The following VIPR2 variants were observed in gnomAD, a reference collection of about 807,000 sequenced individuals.
VIPR2 encodes vasoactive intestinal peptide receptor 2, also known as vasoactive intestinal polypeptide receptor 2.
A neutral mutation model predicts 58.0 loss-of-function variants in VIPR2; 48 were observed. That is an observed-to-expected ratio of 0.83 (90% CI 0.66 to 1.05). VIPR2 has a LOEUF of 1.05. Among genes scored for constraint, VIPR2 ranks in the 50% least tolerant of loss-of-function variants. The probability of loss-of-function intolerance (pLI) is 0.00; values close to 1 mark genes in which losing one functional copy is unlikely to be tolerated. For missense variants in VIPR2, 534 were observed against 558.0 expected, an observed-to-expected ratio of 0.96 and a Z score of 0.43; for synonymous variants, 243 against 235.2, an observed-to-expected ratio of 1.03 and a Z score of -0.30.
chr7:159,125,934 GACCC>G (rs1796634605), intron 2 of VIPR2, among the ~76,000 whole-genome samples: 1 of 152,202 alleles, frequency 6.6e-6, no homozygotes, highest in Non-Finnish European at 1.5e-5. Flanking sequence ...GTCGTACAGA[GACCC>G]TCGGTGTTCT....
At chr7:159,107,583 G>C (rs1316020044) in intron 3 of VIPR2, among the ~76,000 whole-genome samples, 2 of 152,310 alleles carry the variant, frequency 1.3e-5, no homozygotes, top group African/African-American at 2.4e-5. Context: ...TGCATCCCGG[G>C]TCCCACTGCT....
intron 4 of VIPR2, among the ~76,000 whole-genome samples, chr7:159,060,780 A>G (rs1455350183): frequency 6.6e-6 from 1 of 151,946 alleles, no homozygotes; most frequent in Non-Finnish European, 1.5e-5. Flanking sequence ...CCCTCACCTC[A>G]CCTAACAGCC....
chr7:159,049,830 A>G (rs777267512), intron 5 of VIPR2, among the ~76,000 whole-genome samples: 8 of 152,204 alleles, frequency 5.3e-5, no homozygotes, highest in Non-Finnish European at 1.2e-4. Context: ...ACAACAAACC[A>G]GAGAGCACCT....
At chr7:159,045,562 T>C (rs964485353) in intron 5 of VIPR2, among the ~76,000 whole-genome samples, 1 of 152,220 alleles carries the variant, frequency 6.6e-6, no homozygotes, top group African/African-American at 2.4e-5. Flanking sequence ...CCTCACAGCA[T>C]ATTAAAAATT....
chr7:159,045,279 T>C (rs1299060818), intron 5 of VIPR2, among the ~76,000 whole-genome samples: 1 of 152,224 alleles, frequency 6.6e-6, no homozygotes, highest in Non-Finnish European at 1.5e-5. Flanking sequence ...GGAATTATGA[T>C]GGATCCTGAA....
intron 5 of VIPR2, among the ~76,000 whole-genome samples, chr7:159,044,590 CAAA>C (rs59565673): frequency 7.0e-6 from 1 of 142,240 alleles, no homozygotes. Context: ...TTAAAGAGTG[CAAA>C]AAAAAAAAAA....
At position 159,130,968 on chromosome 7, in the gene VIPR2, G is replaced by C. The variant is rs115534791; in HGVS notation, c.151+11478C>G. Among the ~76,000 whole-genome samples the C allele has an allele frequency of 4.1e-3, 618 of 152,314 alleles. 1 individual carries two copies. The highest frequency in any genetic ancestry group is 0.014 in the African/African-American group (592 of 41,566). ...CAAGCAGCTGCAGACATCTGAGCGT[G>C]CTCTGGACATGGCATCCAAGGCCCA... On this transcript the variant is annotated intron_variant, in intron 2 of 12. Transcript: ENST00000262178.
At chr7:159,061,259 C>A (rs937528072) in intron 4 of VIPR2, among the ~76,000 whole-genome samples, 6 of 150,616 alleles carry the variant, frequency 4.0e-5, no homozygotes, top group Non-Finnish European at 8.8e-5. Flanking sequence ...AGCTGGGTGG[C>A]GGGATCAGTC....
intron 2 of VIPR2, among the ~76,000 whole-genome samples, chr7:159,130,686 G>A (rs531603046): frequency 1.5e-4 from 23 of 152,242 alleles, no homozygotes; most frequent in African/African-American, 4.3e-4. Flanking sequence ...GTAACAACTC[G>A]GTCTCCCACA....
At chr7:159,104,627 C>A (rs567713582) in intron 3 of VIPR2, among the ~76,000 whole-genome samples, 38 of 144,294 alleles carry the variant, frequency 2.6e-4, no homozygotes, top group African/African-American at 9.6e-4. Flanking sequence ...GCAGCACTCT[C>A]CCTCCTCCCG....
rs1398982145 is a variant in VIPR2 at position 159,096,004 on chromosome 7, C to T, written c.357+7753G>A. 1.3e-5 allele frequency among the ~76,000 whole-genome samples: 2 copies of T among 152,178 alleles called. No homozygotes were observed. Among genetic ancestry groups the T allele is most frequent in the African/African-American group, 4.8e-5 (2 of 41,424 alleles). On this transcript the variant is annotated intron_variant, in intron 4 of 12. Transcript: ENST00000262178. This position sits in a 1 kb window ranked among gnomAD's most constrained non-coding sequence, Gnocchi z 5.5. ...CTCCCCGGGGGCTCCTGGCAACAAG[C>T]TGCAGGACGCACACCTTCTCAGAAC...
In VIPR2 at chr7:159,099,744, G is replaced by A. The variant is rs1453197147; in HGVS notation, c.357+4013C>T. Reference sequence around the variant, plus strand: ...TCAGAGGTGGTGCCTCCAACACACCGGGGATCCCACCTGGACCTTGAAATC... The same window carrying A: ...TCAGAGGTGGTGCCTCCAACACACCAGGGATCCCACCTGGACCTTGAAATC... On this transcript the variant is annotated intron_variant, in intron 4 of 12. Coordinates refer to ENST00000262178, the MANE Select transcript of VIPR2 (RefSeq NM_003382.5). This position sits in a 1 kb window ranked among gnomAD's most constrained non-coding sequence, Gnocchi z 4.2. 6.6e-6 allele frequency among the ~76,000 whole-genome samples: 1 copy of A among 152,014 alleles called. No homozygotes were observed.
chr7:159,144,741 T>TCAGCAGCGCGGGAGG lies in VIPR2; in HGVS notation c.16_30dup (p.Pro6_Leu10dup). The TCAGCAGCGCGGGAGG allele has an allele frequency of 7.7e-7, 1 of 1,307,020 alleles. No individual in the cohort carries two copies. Among genetic ancestry groups the TCAGCAGCGCGGGAGG allele is most frequent in the Non-Finnish European group, 9.7e-7 (1 of 1,030,030 alleles). The allele number at this position is 1,307,020 out of a possible 1,614,324, so 81.0% of individuals were successfully genotyped here. A position where few individuals can be genotyped will look rare whatever the true frequency, so the allele number is the denominator to read the frequency against. ...CTCACGGGGGCGAGCAGCCAGCAGG[T>TCAGCAGCGCGGGAGG]CAGCAGCGCGGGAGGCAGCAGCGTC... On this transcript the variant is annotated inframe_insertion, in exon 1 of 13. Transcript: ENST00000262178.
At chr7:159,045,914 C>G (rs927766036) in intron 5 of VIPR2, among the ~76,000 whole-genome samples, 35 of 31,072 alleles carry the variant, frequency 1.1e-3, no homozygotes, top group African/African-American at 2.0e-3. Context: ...ACTCTTACAA[C>G]TCAATGACAA....
intron 2 of VIPR2, among the ~76,000 whole-genome samples, 165 bp downstream of exon 2, chr7:159,142,277 ACTCT>A (rs1182292915): frequency 6.6e-6 from 1 of 151,480 alleles, no homozygotes; most frequent in Non-Finnish European, 1.5e-5. Flanking sequence ...TACCTATCCA[ACTCT>A]CTCTGAGTTT....
intron 2 of VIPR2, among the ~76,000 whole-genome samples, chr7:159,137,111 AC>A (rs1368020598): frequency 3.3e-5 from 5 of 151,882 alleles, no homozygotes; most frequent in African/African-American, 1.2e-4. Context: ...GCTGACTCTG[AC>A]CCCATCAGCA....
At chr7:159,103,519 A>G (rs1858428825) in intron 4 of VIPR2, among the ~76,000 whole-genome samples, 1 of 152,200 alleles carries the variant, frequency 6.6e-6, no homozygotes, top group African/African-American at 2.4e-5. Context: ...CATACACAGC[A>G]GGTCAAGAAA....
chr7:159,092,070 G>A (rs371109927), intron 4 of VIPR2, among the ~76,000 whole-genome samples: 10 of 152,338 alleles, frequency 6.6e-5, no homozygotes, highest in South Asian at 4.1e-4. Context: ...CCTGGGCAGC[G>A]GTTAGTCCCT....
Position 159,103,845 on chromosome 7 carries a change from C to G in VIPR2, c.269G>C (p.Ser90Thr), listed in dbSNP as rs775350169. The G allele has an allele frequency of 7.4e-6, 12 of 1,613,976 alleles. No homozygotes were observed. The Admixed American group carries it at 1.8e-4, about 25-fold the overall frequency. ...SNFYSKAGNI[S>T]KNCTSDGWSE... Reference sequence around the variant, plus strand: ...CCATCCGTCACTCGTACAGTTTTTGCTTATGTTTCCTGGAAAGTGAAGTTC... The same window carrying G: ...CCATCCGTCACTCGTACAGTTTTTGGTTATGTTTCCTGGAAAGTGAAGTTC... The change falls in exon 4 of 13, where the codon AGC becomes ACC. Residue 90 changes from serine to threonine, a missense_variant. Ser to Thr is a moderately conservative substitution (Grantham distance 58). Coordinates refer to ENST00000262178, the MANE Select transcript of VIPR2 (RefSeq NM_003382.5).
Sources: allele counts gnomAD v4.1 joint callset (sites outside exome capture counted in the v4.1 genomes callset), GRCh38; gene constraint gnomAD v4.1.1; non-coding constraint Gnocchi (gnomAD v3.1); transcripts MANE v1.5; gene names NCBI Gene and HGNC (gene_info 2026-07-23, HGNC 2026-07-21).